Variants in GALR1 observed in about 807,000 individuals in gnomAD.
GALR1 encodes galanin receptor type 1.
Under a neutral mutation model 17.9 loss-of-function variants are expected in GALR1, and 11 were observed. The observed-to-expected ratio is 0.62, with a 90% CI of 0.39 to 1.02. The LOEUF is 1.02. Ranked by LOEUF, GALR1 falls within the 50% of genes least tolerant of loss-of-function variation. The pLI, the probability that GALR1 is intolerant of heterozygous loss-of-function variation, is 0.01. For missense variants in GALR1, 441 were observed against 456.9 expected (o/e 0.97, Z 0.32); for synonymous variants, 206 against 205.7 (o/e 1.00, Z -0.01).
chr18:77,255,585 GAAGGAGA>G (rs1864531228), intron 1 of GALR1, among the ~76,000 whole-genome samples: 2 of 152,214 alleles, frequency 1.3e-5, no homozygotes, highest in African/African-American at 2.4e-5. Context: ...CCCATAAGAG[GAAGGAGA>G]AAGAATATTT....
At position 77,251,157 on chromosome 18, in the gene GALR1, C is replaced by T. The variant is rs773282046; in HGVS notation, c.609C>T (p.Cys203=). Residue 203 remains cysteine (C), a synonymous_variant, in exon 1 of 3, where the codon TGC becomes TGT. Transcript: ENST00000299727. ...GCCACAAGAAGGCCTACGTGGTGTG[C>T]ACCTTCGTCTTCGGCTACCTGCTGC... ...DPRHKKAYVV[C]TFVFGYLLPL... is the part of the protein sequence containing the mutation. The T allele has an allele frequency of 6.2e-7, 1 of 1,611,966 alleles. No individual in the cohort carries two copies. Among genetic ancestry groups the T allele is most frequent in the Admixed American group, 1.7e-5 (1 of 60,002 alleles).
Position 77,275,552 on chromosome 18 carries a change from A to G in GALR1, c.*6650A>G, listed in dbSNP as rs1021352004. 6.6e-6 allele frequency: 1 copy of G among 152,244 alleles called. No homozygotes were observed. Among genetic ancestry groups the G allele is most frequent in the African/African-American group, 2.4e-5 (1 of 41,446 alleles). The allele number at this position is 152,244 out of a possible 1,614,324, so 9.4% of individuals were successfully genotyped here. On this transcript the variant is annotated 3_prime_UTR_variant, in exon 3 of 3. Transcript: ENST00000299727. ...CAGGTGTCTTGCTATGTGACTTGCC[A>G]TTGCGGTCACTGGTTATACAAAGTC...
At chr18:77,267,540 C>A (rs988505095) in intron 2 of GALR1, among the ~76,000 whole-genome samples, 1 of 152,194 alleles carries the variant, frequency 6.6e-6, no homozygotes. Context: ...TTGTGACCAT[C>A]GCGGCACTAG....
rs5826511 is a variant in GALR1 at position 77,269,285 on chromosome 18, G to GA, written c.*392dup. The GA allele has an allele frequency of 6.4e-6, 1 of 156,224 alleles. No homozygotes were observed. Among genetic ancestry groups the GA allele is most frequent in the African/African-American group, 2.4e-5 (1 of 41,502 alleles). 9.7% of individuals were successfully genotyped at this position (156,224 alleles called of 1,614,324 possible). On this transcript the variant is annotated 3_prime_UTR_variant, in exon 3 of 3. Coordinates refer to ENST00000299727, the MANE Select transcript of GALR1 (RefSeq NM_001480.4). Reference sequence around the variant, plus strand: ...CTACATTTTAAAGCCAATTTATTTAGAAAAAAAAATTTGAGCTTTAATTCT... The same window carrying GA: ...CTACATTTTAAAGCCAATTTATTTAGAAAAAAAAAATTTGAGCTTTAATTCT...
chr18:77,252,869 CCACCACCACCATCACCACCACCACCAT>C (rs1568138948), intron 1 of GALR1, among the ~76,000 whole-genome samples: 104 of 98,530 alleles, frequency 1.1e-3, no homozygotes, highest in African/African-American at 3.1e-3. Context: ...ACCACCACCA[CCACCACCACCATCACCACCACCACCAT>C]CACCACCACC....
At chr18:77,252,800 A>C (rs114002425) in intron 1 of GALR1, among the ~76,000 whole-genome samples, 2,367 of 150,268 alleles carry the variant, frequency 0.016, 71 homozygotes, top group African/African-American at 0.054. Flanking sequence ...GTGAGCCGAA[A>C]TCGTGCCACT....
chr18:77,262,857 C>T (rs1055244873), intron 2 of GALR1, among the ~76,000 whole-genome samples: 1 of 152,164 alleles, frequency 6.6e-6, no homozygotes, highest in Non-Finnish European at 1.5e-5. Flanking sequence ...AGAAAAAGAA[C>T]CTGATTCTTA....
Position 77,250,604 on chromosome 18 carries a change from C to G in GALR1, c.56C>G (p.Pro19Arg), listed in dbSNP as rs1461326007. The G allele has an allele frequency of 3.8e-6, 6 of 1,560,700 alleles. No homozygotes were observed. The highest frequency in any genetic ancestry group is 5.2e-6 in the Non-Finnish European group (6 of 1,157,184). Reference protein sequence around the residue: ...SEGNASWPEPPAPEPGPLFGI... With the variant: ...SEGNASWPEPRAPEPGPLFGI... The stretch of plus-strand genomic sequence containing the variant: ...GGCAACGCGAGCTGGCCGGAGCCCC[C>G]CGCCCCGGAGCCCGGGCCGCTGTTC... The change falls in exon 1 of 3, where the codon CCC becomes CGC. Residue 19 changes from proline to arginine, a missense_variant. Coordinates refer to ENST00000299727, the MANE Select transcript of GALR1 (RefSeq NM_001480.4).
chr18:77,249,963 G>C lies in GALR1; in HGVS notation c.-586G>C, dbSNP rs1016459386. ...ACGACTCGGAATCCCTGGAAAAGCC[G>C]GGAGGGAGTCGGAGGCGCCAGCCCA... is the stretch of plus-strand genomic sequence containing the variant. On this transcript the variant is annotated 5_prime_UTR_variant, in exon 1 of 3. Transcript: ENST00000299727. Among the ~76,000 whole-genome samples the C allele has an allele frequency of 1.4e-4, 21 of 152,226 alleles. No individual in the cohort carries two copies. Among genetic ancestry groups the C allele is most frequent in the African/African-American group, 5.1e-4 (21 of 41,466 alleles).
Position 77,269,189 on chromosome 18 carries a change from A to C in GALR1, c.*287A>C. 1 of 323,270 alleles carries C rather than the reference A, an allele frequency of 3.1e-6. No individual in the cohort carries two copies. Among genetic ancestry groups the C allele is most frequent in the Non-Finnish European group, 5.7e-6 (1 of 176,606 alleles). The allele number at this position is 323,270 out of a possible 1,614,324, so 20.0% of individuals were successfully genotyped here. A position where few individuals can be genotyped will look rare whatever the true frequency, so the allele number is the denominator to read the frequency against. On this transcript the variant is annotated 3_prime_UTR_variant, in exon 3 of 3. Coordinates refer to ENST00000299727, the MANE Select transcript of GALR1 (RefSeq NM_001480.4). ...TTCAGACATGAAAGGGAACATATAT[A>C]TTCCATATATATGTTCAACTCTTCA...
chr18:77,259,520 ATGG>A (rs907118224), intron 2 of GALR1, among the ~76,000 whole-genome samples: 1 of 128,752 alleles, frequency 7.8e-6, no homozygotes, highest in Non-Finnish European at 1.6e-5. Flanking sequence ...GTGGGTAGTG[ATGG>A]TGGTGGTGGT....
At chr18:77,260,451 C>T (rs1164861232) in intron 2 of GALR1, among the ~76,000 whole-genome samples, 2 of 152,160 alleles carry the variant, frequency 1.3e-5, no homozygotes, top group African/African-American at 4.8e-5. Context: ...GGCACGGATC[C>T]CATTATGAGG....
chr18:77,255,081 A>G (rs1025453490), intron 1 of GALR1, among the ~76,000 whole-genome samples: 1 of 152,216 alleles, frequency 6.6e-6, no homozygotes, highest in Non-Finnish European at 1.5e-5. Flanking sequence ...AATTATTTCC[A>G]TGCTACAGGG....
intron 1 of GALR1, among the ~76,000 whole-genome samples, chr18:77,252,881 TCACCACCACCACCATCACCAC>T (rs1912460526): frequency 1.4e-4 from 8 of 55,304 alleles, no homozygotes; most frequent in Non-Finnish European, 2.2e-4. Context: ...ACCACCACCA[TCACCACCACCACCATCACCAC>T]CACCACCACC....
rs759188587 is a variant in GALR1, at chr18:77,250,606, G to A, written c.58G>A (p.Ala20Thr). 5.1e-6 allele frequency: 8 copies of A among 1,562,472 alleles called. No individual in the cohort carries two copies. In the South Asian group the frequency reaches 8.1e-5, roughly 16 times the overall value. ...EGNASWPEPP[A>T]PEPGPLFGIG... ...CAACGCGAGCTGGCCGGAGCCCCCC[G>A]CCCCGGAGCCCGGGCCGCTGTTCGG... Residue 20 changes from alanine to threonine, a missense_variant, in exon 1 of 3, where the codon GCC (alanine) becomes ACC (threonine). Coordinates refer to ENST00000299727, the MANE Select transcript of GALR1 (RefSeq NM_001480.4).
At chr18:77,256,245 A>ATC (rs1912585432) in intron 2 of GALR1, 22 bp downstream of exon 2, 8 of 1,316,294 alleles carry the variant, frequency 6.1e-6, no homozygotes, top group Non-Finnish European at 7.6e-6. Flanking sequence ...AAATATATAT[A>ATC]TATATGTTAC....
chr18:77,259,533 TCATA>T (rs1157270287), intron 2 of GALR1, among the ~76,000 whole-genome samples: 1 of 143,602 alleles, frequency 7.0e-6, no homozygotes, highest in Admixed American at 6.9e-5. Context: ...GTGGTGGTGG[TCATA>T]GGGGTGGTGG....
chr18:77,252,944 C>CCAT (rs1912483704), intron 1 of GALR1, among the ~76,000 whole-genome samples: 5 of 58,714 alleles, frequency 8.5e-5, no homozygotes, highest in African/African-American at 1.8e-4. Context: ...ACCACCACCA[C>CCAT]CACCATCACC....
chr18:77,263,118 T>G (rs933061865), intron 2 of GALR1, among the ~76,000 whole-genome samples: 1 of 152,262 alleles, frequency 6.6e-6, no homozygotes, highest in Admixed American at 6.5e-5. Context: ...AACCATTCTG[T>G]GACATAGAGA....
Sources: allele counts gnomAD v4.1 joint callset (sites outside exome capture counted in the v4.1 genomes callset), GRCh38; gene constraint gnomAD v4.1.1; transcripts MANE v1.5; gene names NCBI Gene and HGNC (gene_info 2026-07-23, HGNC 2026-07-21).